The following ZNRF2 variants were observed in gnomAD, a reference collection of about 807,000 sequenced individuals.
The protein encoded by ZNRF2 is zinc and ring finger 2, also known as E3 ubiquitin-protein ligase ZNRF2.
ZNRF2 carries 16 observed loss-of-function variants against 20.4 expected under a neutral mutation model. The ratio of observed to expected loss-of-function variants is 0.79; its 90% confidence interval spans 0.53 to 1.19. The LOEUF (loss-of-function observed/expected upper bound fraction) is 1.19, where lower values mean the gene tolerates loss of function less well. Among genes scored for constraint, ZNRF2 ranks in the 50% most tolerant of loss-of-function variants. The pLI is 0.00. For synonymous variants in ZNRF2, 178 were observed against 144.9 expected, an observed-to-expected ratio of 1.23 and a Z score of -1.64; for missense variants, 363 against 332.4, an observed-to-expected ratio of 1.09 and a Z score of -0.72.
At chr7:30,318,982 C>T (rs976507030) in intron 1 of ZNRF2, among the ~76,000 whole-genome samples, 7 of 151,916 alleles carry the variant, frequency 4.6e-5, no homozygotes, top group African/African-American at 1.2e-4. Context: ...TGTGGTGGTG[C>T]GTGCCTGTAA....
chr7:30,311,744 G>C (rs1799295414), intron 1 of ZNRF2, among the ~76,000 whole-genome samples: 1 of 152,128 alleles, frequency 6.6e-6, no homozygotes, highest in African/African-American at 2.4e-5. Context: ...TGTATGCGTT[G>C]TTTTAGAAAA....
chr7:30,290,373 C>T (rs1798878926), intron 1 of ZNRF2, among the ~76,000 whole-genome samples: 2 of 152,176 alleles, frequency 1.3e-5, no homozygotes, highest in African/African-American at 2.4e-5. Context: ...AGAGGCTGGG[C>T]ACAACTTAGC....
intron 2 of ZNRF2, among the ~76,000 whole-genome samples, chr7:30,326,555 G>A (rs1799555756): frequency 1.3e-5 from 2 of 152,192 alleles, no homozygotes; most frequent in Admixed American, 6.5e-5. Context: ...CATTTAGGTT[G>A]ATTCCATGTC....
chr7:30,349,706 A>G (rs1275476666), intron 2 of ZNRF2, among the ~76,000 whole-genome samples: 1 of 152,136 alleles, frequency 6.6e-6, no homozygotes, highest in East Asian at 1.9e-4. Context: ...AATAAGCTTG[A>G]AAATCAGATA....
intron 2 of ZNRF2, among the ~76,000 whole-genome samples, chr7:30,333,134 A>G (rs1583586123): frequency 6.6e-6 from 1 of 150,416 alleles, no homozygotes; most frequent in African/African-American, 2.5e-5. Context: ...GCTCATTGCA[A>G]CCTCTGCCTC....
chr7:30,323,984 CAG>C (rs1217022215), intron 2 of ZNRF2, among the ~76,000 whole-genome samples: 44 of 152,186 alleles, frequency 2.9e-4, no homozygotes, highest in Admixed American at 2.6e-3. Context: ...TAAATTAAAA[CAG>C]AATTTATAAT....
intron 2 of ZNRF2, among the ~76,000 whole-genome samples, chr7:30,326,876 C>CT (rs1799561121): frequency 6.6e-6 from 1 of 152,112 alleles, no homozygotes; most frequent in Non-Finnish European, 1.5e-5. Context: ...TTGCATTTCT[C>CT]TAATGATCAG....
rs1045090531 is a variant in ZNRF2 at position 30,285,133 on chromosome 7, C to A, written c.-225C>A. 6.0e-5 allele frequency: 25 copies of A among 418,162 alleles called. No individual in the cohort carries two copies. Among genetic ancestry groups the A allele is most frequent in the Admixed American group, 1.4e-4 (5 of 36,160 alleles). The allele number at this position is 418,162 out of a possible 1,614,324, so 25.9% of individuals were successfully genotyped here. On this transcript the variant is annotated 5_prime_UTR_variant, in exon 1 of 5. Coordinates refer to ENST00000323037, the MANE Select transcript of ZNRF2 (RefSeq NM_147128.4). ...CGGGACCCCTTCCTCTCCGCGTCTC[C>A]TCGTCTCCCGCGCCCGCGTCAGGCC...
chr7:30,367,477 T>C lies in ZNRF2; in HGVS notation c.*1465T>C, dbSNP rs1800234081. 1 of 152,264 alleles carries C rather than the reference T, an allele frequency of 6.6e-6. No homozygotes were observed. The highest frequency in any genetic ancestry group is 1.5e-5 in the Non-Finnish European group (1 of 67,896). The allele number at this position is 152,264 out of a possible 1,614,324, so 9.4% of individuals were successfully genotyped here. On this transcript the variant is annotated 3_prime_UTR_variant, in exon 5 of 5. Transcript: ENST00000323037. ...TAATTTAAAGTTGCACAGTAAGTAC[T>C]GTTTCCTTATTTTAATCTTTCTTTA...
intron 3 of ZNRF2, among the ~76,000 whole-genome samples, chr7:30,357,720 GA>G (rs1458445942): frequency 6.6e-6 from 1 of 151,832 alleles, no homozygotes; most frequent in Admixed American, 6.6e-5. Context: ...AAAATAATGA[GA>G]AAAAACAGGC....
In ZNRF2 at chr7:30,284,655, G is replaced by A; in HGVS notation, c.-703G>A. The A allele has an allele frequency of 6.5e-6, 1 of 153,856 alleles. No individual in the cohort carries two copies. Among genetic ancestry groups the A allele is most frequent in the Non-Finnish European group, 1.5e-5 (1 of 68,772 alleles). 9.5% of individuals were successfully genotyped at this position (153,856 alleles called of 1,614,324 possible). On this transcript the variant is annotated 5_prime_UTR_variant, in exon 1 of 5. Coordinates refer to ENST00000323037, the MANE Select transcript of ZNRF2 (RefSeq NM_147128.4). ...CCGCTCCGCGGCCTTCCGGCGCGGG[G>A]CCGGGGAACCTCCTCCCCATCTGCG... is the stretch of plus-strand genomic sequence containing the variant.
In ZNRF2 at chr7:30,341,787, A is replaced by G. The variant is rs541932265; in HGVS notation, c.566-13941A>G. ...TCCTGAATATCCTTGTTAATTTTCT[A>G]TCTCGTTGATCTGTATAATACTGAC... is the stretch of plus-strand genomic sequence containing the variant. On this transcript the variant is annotated intron_variant, in intron 2 of 4. Transcript: ENST00000323037. Among the ~76,000 whole-genome samples, 11 of 152,096 alleles carry G rather than the reference A, an allele frequency of 7.2e-5. No individual in the cohort carries two copies. The South Asian group carries it at 8.3e-4, about 11-fold the overall frequency.
rs1799509616 is a variant in ZNRF2 at position 30,323,664 on chromosome 7, A to C, written c.492A>C (p.Ser164=). Residue 164 remains serine (S), a synonymous_variant, in exon 2 of 5, where the codon TCA becomes TCC. Transcript: ENST00000323037. ...MFGGFKCPVC[S]KFVSSDEMDL... is the part of the protein sequence containing the mutation. ...TAGGATTTAAGTGCCCTGTATGCTCAAAATTTGTATCCTCAGATGAAATGG... is the reference window on the plus strand; with the variant it reads ...TAGGATTTAAGTGCCCTGTATGCTCCAAATTTGTATCCTCAGATGAAATGG... 5 of 1,600,268 alleles carry C rather than the reference A, an allele frequency of 3.1e-6. No individual in the cohort carries two copies. In the East Asian group the frequency reaches 1.1e-4, roughly 36 times the overall value.
At chr7:30,304,036 TA>T (rs1353930395) in intron 1 of ZNRF2, among the ~76,000 whole-genome samples, 2 of 152,140 alleles carry the variant, frequency 1.3e-5, no homozygotes, top group Non-Finnish European at 2.9e-5. Flanking sequence ...GTAGTGGTGG[TA>T]AGGAGAGTAA....
Position 30,301,870 on chromosome 7 carries a change from A to G in ZNRF2, c.469+16044A>G, listed in dbSNP as rs143820186. 2.0e-3 allele frequency among the ~76,000 whole-genome samples: 309 copies of G among 152,314 alleles called. 2 individuals are homozygous for G. Among genetic ancestry groups the G allele is most frequent in the African/African-American group, 7.1e-3 (297 of 41,574 alleles). ...GGTCCTCTTGTAGGCTAGTGCACTG[A>G]AAAGAACTGTGATGAGACGTGGACA... On this transcript the variant is annotated intron_variant, in intron 1 of 4. Transcript: ENST00000323037.
At chr7:30,295,001 G>C (rs564257985) in intron 1 of ZNRF2, among the ~76,000 whole-genome samples, 1 of 148,816 alleles carries the variant, frequency 6.7e-6, no homozygotes, top group Non-Finnish European at 1.5e-5. Flanking sequence ...GACAGAGAGA[G>C]AGAGGGAGGG....
chr7:30,309,770 TA>T (rs1284088847), intron 1 of ZNRF2, among the ~76,000 whole-genome samples: 1 of 152,208 alleles, frequency 6.6e-6, no homozygotes. Context: ...AGTTAAATGC[TA>T]AATTTTGCTG....
intron 1 of ZNRF2, among the ~76,000 whole-genome samples, chr7:30,310,088 T>C (rs996517684): frequency 6.6e-6 from 1 of 152,028 alleles, no homozygotes; most frequent in Non-Finnish European, 1.5e-5. Context: ...AGTAGCTACG[T>C]TGTGAGGGTG....
intron 2 of ZNRF2, among the ~76,000 whole-genome samples, chr7:30,340,709 T>G (rs542654293): frequency 6.6e-6 from 1 of 152,134 alleles, no homozygotes; most frequent in South Asian, 2.1e-4. Context: ...CTTTTTTTTT[T>G]GTTGTGTCTC....
Sources: allele counts gnomAD v4.1 joint callset (sites outside exome capture counted in the v4.1 genomes callset), GRCh38; gene constraint gnomAD v4.1.1; transcripts MANE v1.5; gene names NCBI Gene and HGNC (gene_info 2026-07-23, HGNC 2026-07-21).